PRTG: variants seen among roughly 807,000 people sequenced by gnomAD.
The protein encoded by PRTG is protogenin.
A neutral mutation model predicts 122.5 loss-of-function variants in PRTG; 67 were observed. That is an observed-to-expected ratio of 0.55 (90% CI 0.45 to 0.67). The LOEUF is 0.67. PRTG is among the 30% of genes least tolerant of loss of function. The pLI, the probability that PRTG is intolerant of heterozygous loss-of-function variation, is 0.00. For synonymous variants in PRTG, 554 were observed against 501.1 expected (o/e 1.11, Z -1.41); for missense variants, 1,435 against 1,415.4 (o/e 1.01, Z -0.22).
intron 2 of PRTG, among the ~76,000 whole-genome samples, chr15:55,698,780 G>A (rs1228829862): frequency 6.6e-6 from 1 of 151,930 alleles, no homozygotes; most frequent in African/African-American, 2.4e-5. Context: ...ATTTGTGACT[G>A]CCTGACTCTC....
intron 11 of PRTG, among the ~76,000 whole-genome samples, chr15:55,654,652 G>T (rs2059370588): frequency 6.6e-6 from 1 of 152,176 alleles, no homozygotes; most frequent in South Asian, 2.1e-4. Flanking sequence ...TTAAGTAGCT[G>T]CTCTGTCTGC....
At chr15:55,639,887 G>A in intron 12 of PRTG, 59 bp from the exon 13 acceptor site, 1 of 1,572,276 alleles carries the variant, frequency 6.4e-7, no homozygotes, top group South Asian at 1.2e-5. Context: ...ATAGAAAGTG[G>A]TAAAATGGTA....
At chr15:55,620,382 G>C (rs923347259) in intron 19 of PRTG, 116 bp from the exon 20 acceptor site, 78 of 1,502,952 alleles carry the variant, frequency 5.2e-5, no homozygotes, top group Non-Finnish European at 6.8e-5. Context: ...CGTGGCAAGC[G>C]AAGTGTCAAA....
chr15:55,642,226 TA>T (rs1366193711), intron 11 of PRTG, among the ~76,000 whole-genome samples: 5 of 146,726 alleles, frequency 3.4e-5, no homozygotes, highest in Admixed American at 2.7e-4. Flanking sequence ...TCAACTCACA[TA>T]ATTTAAGAAA....
intron 11 of PRTG, chr15:55,656,351 C>T (rs771402450): frequency 2.7e-4 from 124 of 455,238 alleles, no homozygotes; most frequent in Admixed American, 2.6e-3. Flanking sequence ...TTATTAGATT[C>T]GGGCTAAACA....
Position 55,674,001 on chromosome 15 carries a change from G to A in PRTG, c.1547-325C>T, listed in dbSNP as rs577932475. 2.2e-4 allele frequency among the ~76,000 whole-genome samples: 34 copies of A among 152,272 alleles called. No homozygotes were observed. In the South Asian group the frequency reaches 2.5e-3, roughly 11 times the overall value. Reference sequence around the variant, plus strand: ...CAAACAATTCCACCAAAGTGGCTTCGAAACAAGGGAGAGTGAATTATACAA... The same window carrying A: ...CAAACAATTCCACCAAAGTGGCTTCAAAACAAGGGAGAGTGAATTATACAA... On this transcript the variant is annotated intron_variant, in intron 9 of 19. Transcript: ENST00000389286.
At chr15:55,698,964 GAAAACAAAAC>G (rs906180787) in intron 2 of PRTG, among the ~76,000 whole-genome samples, 2 of 152,048 alleles carry the variant, frequency 1.3e-5, no homozygotes, top group Non-Finnish European at 2.9e-5. Context: ...GACTAGTCTA[GAAAACAAAAC>G]AAAACAAAAC....
intron 11 of PRTG, among the ~76,000 whole-genome samples, chr15:55,645,393 C>A (rs2059315777): frequency 8.9e-6 from 1 of 111,924 alleles, no homozygotes; most frequent in African/African-American, 3.0e-5. Flanking sequence ...GAGATCGCGC[C>A]ACTGCACTCC....
intron 2 of PRTG, among the ~76,000 whole-genome samples, chr15:55,705,308 T>C (rs1178041844): frequency 6.6e-6 from 1 of 152,126 alleles, no homozygotes; most frequent in Admixed American, 6.6e-5. Context: ...GAACAGGTAA[T>C]GTCCTTTTCT....
At chr15:55,660,893 T>A (rs2141771365) in intron 11 of PRTG, among the ~76,000 whole-genome samples, 1 of 152,322 alleles carries the variant, frequency 6.6e-6, no homozygotes, top group Non-Finnish European at 1.5e-5. Flanking sequence ...CTGAGTATCG[T>A]TATGTAATAA....
At position 55,742,992 on chromosome 15, in the gene PRTG, C is replaced by T. The variant is rs1410581470; in HGVS notation, c.-61G>A. On this transcript the variant is annotated 5_prime_UTR_variant, in exon 1 of 20. Transcript: ENST00000389286. The stretch of plus-strand genomic sequence containing the variant: ...CAGAGCCCCTGTCCGTCTGCGGCCC[C>T]CGCCCCGGGCGCTCTCTGCTCTGCG... The T allele has an allele frequency of 1.4e-6, 2 of 1,390,224 alleles. No individual in the cohort carries two copies. Among genetic ancestry groups the T allele is most frequent in the African/African-American group, 1.5e-5 (1 of 65,438 alleles). 86.1% of individuals were successfully genotyped at this position (1,390,224 alleles called of 1,614,324 possible). A position where few individuals can be genotyped will look rare whatever the true frequency, so the allele number is the denominator to read the frequency against.
At chr15:55,697,470 C>T (rs901685117) in intron 2 of PRTG, among the ~76,000 whole-genome samples, 2 of 152,134 alleles carry the variant, frequency 1.3e-5, no homozygotes, top group Non-Finnish European at 1.5e-5. Flanking sequence ...GGGATTTTGG[C>T]TGTTATAACT....
At chr15:55,632,446 C>T (rs902170472) in intron 15 of PRTG, among the ~76,000 whole-genome samples, 4 of 152,210 alleles carry the variant, frequency 2.6e-5, no homozygotes, top group Non-Finnish European at 5.9e-5. Flanking sequence ...CAAAGCAATC[C>T]TTTCTCAACG....
At chr15:55,723,677 G>T (rs1297134678) in intron 2 of PRTG, among the ~76,000 whole-genome samples, 2 of 151,404 alleles carry the variant, frequency 1.3e-5, no homozygotes, top group Admixed American at 1.3e-4. Flanking sequence ...AATCTTGAAG[G>T]CAGCAAAAGA....
intron 2 of PRTG, among the ~76,000 whole-genome samples, chr15:55,699,894 A>G (rs745599699): frequency 1.3e-5 from 2 of 152,194 alleles, no homozygotes; most frequent in Admixed American, 1.3e-4. Flanking sequence ...AAGACAGGCA[A>G]TTTTGCCCAG....
At chr15:55,684,519 A>G (rs563675229) in intron 2 of PRTG, among the ~76,000 whole-genome samples, 39 of 152,338 alleles carry the variant, frequency 2.6e-4, no homozygotes, top group Admixed American at 2.4e-3. Context: ...TCAAGACTTT[A>G]TGGGAAAGCT....
At chr15:55,742,039 T>A (rs2031625176) in intron 1 of PRTG, 1 of 152,240 alleles carries the variant, frequency 6.6e-6, no homozygotes, top group African/African-American at 2.4e-5. Flanking sequence ...GGACGCAAGG[T>A]AGAAAAACGA....
At chr15:55,636,580 C>T (rs144016435) in intron 15 of PRTG, among the ~76,000 whole-genome samples, 15 of 152,240 alleles carry the variant, frequency 9.9e-5, no homozygotes, top group Middle Eastern at 3.4e-3. Flanking sequence ...CTTTCCTGGA[C>T]GACTACGGTA....
intron 2 of PRTG, among the ~76,000 whole-genome samples, chr15:55,702,317 T>C (rs951787019): frequency 3.3e-5 from 5 of 152,198 alleles, no homozygotes; most frequent in Non-Finnish European, 7.3e-5. Flanking sequence ...GCTTAGGATA[T>C]CTTGTTTGCT....
Sources: allele counts gnomAD v4.1 joint callset (sites outside exome capture counted in the v4.1 genomes callset), GRCh38; gene constraint gnomAD v4.1.1; transcripts MANE v1.5; gene names NCBI Gene and HGNC (gene_info 2026-07-23, HGNC 2026-07-21).